The following SOX6 variants were observed in gnomAD, a reference collection of about 807,000 sequenced individuals.
The protein encoded by SOX6 is SRY-box transcription factor 6.
SOX6 carries 11 observed loss-of-function variants against 97.8 expected under a neutral mutation model. That is an observed-to-expected ratio of 0.11 (90% CI 0.07 to 0.19). The LOEUF (loss-of-function observed/expected upper bound fraction) is 0.19. Ranked by LOEUF, SOX6 falls within the 10% of genes least tolerant of loss-of-function variation. SOX6 has a pLI of 1.00. For missense variants in SOX6, 810 were observed against 1,039.5 expected, an observed-to-expected ratio of 0.78 and a Z score of 3.04; for synonymous variants, 360 against 371.4, an observed-to-expected ratio of 0.97 and a Z score of 0.35.
intron 1 of SOX6, among the ~76,000 whole-genome samples, chr11:16,737,095 G>A (rs1168102495): frequency 6.6e-6 from 1 of 152,176 alleles, no homozygotes; most frequent in African/African-American, 2.4e-5. Context: ...TTGTACACAG[G>A]CAGTGAAACT....
intron 3 of SOX6, among the ~76,000 whole-genome samples, chr11:16,690,029 A>G (rs71484731): frequency 1.3e-5 from 2 of 151,872 alleles, no homozygotes; most frequent in Non-Finnish European, 2.9e-5. Context: ...GGTTCAAGCA[A>G]TTCTCATGCC....
chr11:16,706,844 A>G (rs2134045202), intron 3 of SOX6, among the ~76,000 whole-genome samples: 1 of 152,138 alleles, frequency 6.6e-6, no homozygotes, highest in South Asian at 2.1e-4. Flanking sequence ...TGGCCCTAAT[A>G]AATTATTCTA....
intron 9 of SOX6, among the ~76,000 whole-genome samples, chr11:16,075,949 G>A (rs550584260): frequency 6.6e-6 from 1 of 152,204 alleles, no homozygotes; most frequent in South Asian, 2.1e-4. Flanking sequence ...CTTTCCGCAT[G>A]ATTCAATTAC....
intron 3 of SOX6, among the ~76,000 whole-genome samples, chr11:16,250,321 G>A (rs1213228421): frequency 2.0e-5 from 3 of 152,020 alleles, no homozygotes; most frequent in African/African-American, 7.2e-5. Context: ...AAGGCTAAAA[G>A]AGCTTCTGGA....
chr11:16,321,784 TAA>T (rs1316404729), intron 2 of SOX6, among the ~76,000 whole-genome samples: 5 of 152,160 alleles, frequency 3.3e-5, no homozygotes, highest in Non-Finnish European at 5.9e-5. Context: ...AGGCAGTAAA[TAA>T]AAACAAACGG....
chr11:16,134,931 C>G (rs1849923264), intron 6 of SOX6, among the ~76,000 whole-genome samples: 1 of 152,204 alleles, frequency 6.6e-6, no homozygotes, highest in Non-Finnish European at 1.5e-5. Flanking sequence ...CTGGCTTCAA[C>G]ACTTCAAAGG....
intron 2 of SOX6, among the ~76,000 whole-genome samples, chr11:16,336,718 A>G (rs2134333145): frequency 6.6e-6 from 1 of 152,274 alleles, no homozygotes; most frequent in Admixed American, 6.5e-5. Flanking sequence ...CCTGTAGCCT[A>G]TGAGACTCCA....
intron 3 of SOX6, among the ~76,000 whole-genome samples, chr11:16,639,702 T>C (rs1848861410): frequency 6.6e-6 from 1 of 152,224 alleles, no homozygotes; most frequent in Non-Finnish European, 1.5e-5. Context: ...TCACTCATGA[T>C]TTGGCTTTCT....
chr11:16,612,467 G>A (rs1848409504), intron 3 of SOX6, among the ~76,000 whole-genome samples: 1 of 151,310 alleles, frequency 6.6e-6, no homozygotes, highest in South Asian at 2.1e-4. Flanking sequence ...AAACTCATCC[G>A]TAAATAAAGT....
chr11:16,433,207 C>G (rs745996160), intron 1 of SOX6, among the ~76,000 whole-genome samples: 8 of 151,992 alleles, frequency 5.3e-5, no homozygotes, highest in Non-Finnish European at 1.0e-4. Context: ...TTAACAATAG[C>G]AAATAGTTTT....
At chr11:16,386,253 C>T (rs1857980882) in intron 1 of SOX6, among the ~76,000 whole-genome samples, 1 of 149,100 alleles carries the variant, frequency 6.7e-6, no homozygotes, top group Non-Finnish European at 1.5e-5. Context: ...ATAATTTTAC[C>T]TTAATGCAGG....
chr11:16,055,267 T>C (rs1481716116), intron 10 of SOX6, among the ~76,000 whole-genome samples: 1 of 152,170 alleles, frequency 6.6e-6, no homozygotes, highest in East Asian at 1.9e-4. Flanking sequence ...AGTCCACATT[T>C]ATAACTAGTT....
rs370881057 is a variant in SOX6 at position 16,291,802 on chromosome 11, A to G, written c.445+26644T>C. On this transcript the variant is annotated intron_variant, in intron 3 of 15. Transcript: ENST00000683767. ...TTGTGTATTTGTTGGTATTAATGTA[A>G]TAAATATGTACTGTAAATGATGATA... Among the ~76,000 whole-genome samples the G allele has an allele frequency of 2.6e-5, 4 of 152,118 alleles. No individual in the cohort carries two copies. In the East Asian group the frequency reaches 5.8e-4, roughly 22 times the overall value.
At chr11:16,364,242 A>G (rs1857286998) in intron 1 of SOX6, among the ~76,000 whole-genome samples, 1 of 152,142 alleles carries the variant, frequency 6.6e-6, no homozygotes, top group South Asian at 2.1e-4. Context: ...AATGCAGAAC[A>G]AGAATAACTA....
Position 15,989,242 on chromosome 11 carries a change from G to T in SOX6, c.1733-12C>A. On this transcript the variant is annotated splice_polypyrimidine_tract_variant and intron_variant, in intron 13 of 15. Transcript: ENST00000683767. ...CATTGCTTTACTTCCTGTAATGTCAGGGCAGGAAGAACAAGATGAGTGGAA... is the reference window on the plus strand; with the variant it reads ...CATTGCTTTACTTCCTGTAATGTCATGGCAGGAAGAACAAGATGAGTGGAA... 1 of 1,581,130 alleles carries T rather than the reference G, an allele frequency of 6.3e-7. No homozygotes were observed. Among genetic ancestry groups the T allele is most frequent in the Non-Finnish European group, 8.6e-7 (1 of 1,157,752 alleles).
At chr11:16,018,228 C>T (rs908742891) in intron 12 of SOX6, among the ~76,000 whole-genome samples, 3 of 152,064 alleles carry the variant, frequency 2.0e-5, no homozygotes, top group Non-Finnish European at 1.5e-5. Context: ...GAGTCAATGA[C>T]GGGGCAGCCT....
intron 6 of SOX6, among the ~76,000 whole-genome samples, chr11:16,117,368 CAAAA>C (rs1849375798): frequency 6.9e-6 from 1 of 144,016 alleles, no homozygotes; most frequent in Non-Finnish European, 1.6e-5. Context: ...CAAAACAAAA[CAAAA>C]ACAAACAAAC....
chr11:16,135,416 T>C (rs1195049886), intron 6 of SOX6, among the ~76,000 whole-genome samples: 5 of 152,216 alleles, frequency 3.3e-5, no homozygotes, highest in Non-Finnish European at 5.9e-5. Flanking sequence ...CCTTCTGGAT[T>C]TGCCATTCTA....
chr11:16,680,696 A>G (rs2202089), intron 3 of SOX6, among the ~76,000 whole-genome samples: 151,015 of 152,330 alleles, frequency 0.99, 74,864 homozygotes, highest in East Asian at 1. Context: ...CCACCAGTGT[A>G]CTGTATTCAG....
Sources: allele counts gnomAD v4.1 joint callset (sites outside exome capture counted in the v4.1 genomes callset), GRCh38; gene constraint gnomAD v4.1.1; transcripts MANE v1.5; gene names NCBI Gene and HGNC (gene_info 2026-07-23, HGNC 2026-07-21).